HAS3: variants seen among roughly 807,000 people sequenced by gnomAD.
HAS3 encodes hyaluronan synthase 3, also known as HA synthase 3.
HAS3 carries 27 observed loss-of-function variants against 50.3 expected under a neutral mutation model. That is an observed-to-expected ratio of 0.54 (90% CI 0.40 to 0.74). HAS3 has a LOEUF of 0.74. Ranked by LOEUF, HAS3 falls within the 30% of genes least tolerant of loss-of-function variation. The pLI is 0.00. For synonymous variants in HAS3, 339 were observed against 310.9 expected (o/e 1.09, Z -0.95); for missense variants, 517 against 742.8 (o/e 0.70, Z 3.53).
the HAS3 span, among the ~76,000 whole-genome samples, chr16:69,085,859 A>G: frequency 6.6e-6 from 1 of 151,996 alleles, no homozygotes; most frequent in Admixed American, 6.6e-5. Context: ...GATTACAGGC[A>G]TGAGCCACCG....
At chr16:69,083,879 A>C in the HAS3 span, 1 of 481,420 alleles carries the variant, frequency 2.1e-6, no homozygotes, top group Non-Finnish European at 3.7e-6. Context: ...AGTTAAGAGA[A>C]GACAGTTACA....
chr16:69,114,416 G>T lies in HAS3; in HGVS notation c.812G>T (p.Arg271Leu). Reference protein sequence around the residue: ...VRYWMAFNVERACQSYFGCVQ... With the variant: ...VRYWMAFNVELACQSYFGCVQ... Reference sequence around the variant, plus strand: ...TACTGGATGGCCTTCAACGTGGAGCGGGCCTGCCAGTCCTACTTTGGCTGT... The same window carrying T: ...TACTGGATGGCCTTCAACGTGGAGCTGGCCTGCCAGTCCTACTTTGGCTGT... Residue 271 changes from arginine to leucine, a missense_variant, in exon 4 of 4, where the codon CGG (arginine) becomes CTG (leucine). Coordinates refer to ENST00000569188, the MANE Select transcript of HAS3 (RefSeq NM_001199280.2). This position sits in a 1 kb window ranked among gnomAD's most constrained non-coding sequence, Gnocchi z 6.4. The T allele has an allele frequency of 6.2e-7, 1 of 1,612,712 alleles. No individual in the cohort carries two copies. The highest frequency in any genetic ancestry group is 8.5e-7 in the Non-Finnish European group (1 of 1,180,004).
At chr16:69,089,025 C>G in the HAS3 span, among the ~76,000 whole-genome samples, 1 of 152,180 alleles carries the variant, frequency 6.6e-6, no homozygotes, top group South Asian at 2.1e-4. Context: ...TGCCACCCCC[C>G]AACTTGGCCT....
chr16:69,093,860 T>G, the HAS3 span, among the ~76,000 whole-genome samples: 1,369 of 152,254 alleles, frequency 9.0e-3, 10 homozygotes, highest in Non-Finnish European at 0.014. Flanking sequence ...AGTTATTCCT[T>G]GCAAGAAGCT....
At chr16:69,118,565 A>C, downstream of HAS3, 1 of 777,622 alleles carries the variant, frequency 1.3e-6, no homozygotes. Flanking sequence ...GAAACTAGTA[A>C]GAAACAATGG....
chr16:69,118,687 T>A (rs1961363493), downstream of HAS3: 8 of 662,450 alleles, frequency 1.2e-5, no homozygotes, highest in Non-Finnish European at 1.9e-5. Flanking sequence ...AAATAACATC[T>A]CACCTTCAGT....
In HAS3 at chr16:69,113,558, G is replaced by C. The variant is rs570254508; in HGVS notation, c.738+16G>C. Reference sequence around the variant, plus strand: ...AGATGTCCAGGTAAGATGAGACCAGGGATATCTGTGGGGAGGGGTCTGGAC... The same window carrying C: ...AGATGTCCAGGTAAGATGAGACCAGCGATATCTGTGGGGAGGGGTCTGGAC... On this transcript the variant is annotated intron_variant, in intron 3 of 3. Coordinates refer to ENST00000569188, the MANE Select transcript of HAS3 (RefSeq NM_001199280.2). 2.1e-6 allele frequency: 3 copies of C among 1,436,840 alleles called. No individual in the cohort carries two copies. In the African/African-American group the frequency reaches 4.2e-5, roughly 20 times the overall value. The allele number at this position is 1,436,840 out of a possible 1,614,324, so 89.0% of individuals were successfully genotyped here.
At chr16:69,113,411 G>C in intron 2 of HAS3, 30 bp from the exon 3 acceptor site, 1 of 1,497,316 alleles carries the variant, frequency 6.7e-7, no homozygotes, top group South Asian at 1.1e-5. Flanking sequence ...TCTGAGGTCA[G>C]AATGGGCTGA....
In HAS3 at chr16:69,115,679, C is replaced by T; in HGVS notation, c.*413C>T. On this transcript the variant is annotated 3_prime_UTR_variant, in exon 4 of 4. Coordinates refer to ENST00000569188, the MANE Select transcript of HAS3 (RefSeq NM_001199280.2). ...CCCATCTGAACACAACCAGAGGTGGCAGGAGAATTTCTACTGAGCGAGCTG... is the reference window on the plus strand; with the variant it reads ...CCCATCTGAACACAACCAGAGGTGGTAGGAGAATTTCTACTGAGCGAGCTG... 1.0e-6 allele frequency: 1 copy of T among 993,830 alleles called. No individual in the cohort carries two copies. Among genetic ancestry groups the T allele is most frequent in the Non-Finnish European group, 1.2e-6 (1 of 835,890 alleles). The allele number at this position is 993,830 out of a possible 1,614,324, so 61.6% of individuals were successfully genotyped here.
chr16:69,116,904 A>G lies in HAS3; in HGVS notation c.*1638A>G. On this transcript the variant is annotated 3_prime_UTR_variant, in exon 4 of 4. Transcript: ENST00000569188. ...AAGGTGGACAGCAGACAAGAGGGCA[A>G]GCCTCTAGTGTACCAAGTGCTTCCT... 1.0e-6 allele frequency: 1 copy of G among 985,316 alleles called. No homozygotes were observed. Among genetic ancestry groups the G allele is most frequent in the Non-Finnish European group, 1.2e-6 (1 of 829,828 alleles). The allele number at this position is 985,316 out of a possible 1,614,324, so 61.0% of individuals were successfully genotyped here.
Position 69,109,619 on chromosome 16 carries a change from A to C in HAS3, c.224A>C (p.Gln75Pro). The C allele has an allele frequency of 6.2e-7, 1 of 1,611,770 alleles. No homozygotes were observed. The highest frequency in any genetic ancestry group is 8.5e-7 in the Non-Finnish European group (1 of 1,179,700). ...CACCGGCGCATGCGACGTGCCGGCC[A>C]GGCCCTGAAGCTGCCCTCCCCGCGG... ...LEHRRMRRAG[Q>P]ALKLPSPRRG... Residue 75 changes from glutamine (Q) to proline (P), a missense_variant, in exon 2 of 4, where the codon CAG (glutamine) becomes CCG (proline). Physicochemically the swap from Gln to Pro is moderately conservative, Grantham distance 76 (BLOSUM62 -1). Transcript: ENST00000569188. This position sits in a 1 kb window ranked among gnomAD's most constrained non-coding sequence, Gnocchi z 5.3.
chr16:69,101,159 G>A (rs151307207), upstream of HAS3, among the ~76,000 whole-genome samples: 191 of 152,190 alleles, frequency 1.3e-3, 1 homozygote, highest in African/African-American at 4.3e-3. Context: ...ATAACCTACT[G>A]GATACAATTC....
At chr16:69,118,510 G>A (rs1300225216), downstream of HAS3, 7 of 1,061,498 alleles carry the variant, frequency 6.6e-6, no homozygotes, top group Non-Finnish European at 1.0e-5. Flanking sequence ...ACTGGGACCT[G>A]CAGGCCAATG....
chr16:69,086,545 T>C, the HAS3 span, among the ~76,000 whole-genome samples: 3 of 151,858 alleles, frequency 2.0e-5, no homozygotes, highest in African/African-American at 7.3e-5. Context: ...TGTGTGTGTG[T>C]GTGTGTGTGT....
At position 69,115,308 on chromosome 16, in the gene HAS3, G is replaced by A; in HGVS notation, c.*42G>A. The A allele has an allele frequency of 6.7e-7, 1 of 1,498,674 alleles. No homozygotes were observed. The highest frequency in any genetic ancestry group is 8.9e-7 in the Non-Finnish European group (1 of 1,127,876). The allele number at this position is 1,498,674 out of a possible 1,614,324, so 92.8% of individuals were successfully genotyped here. The stretch of plus-strand genomic sequence containing the variant: ...AGCGGGTAAAGTGCAATGGGTAAGG[G>A]AGGGAAGGGGAATGGAAGAGAAAAG... On this transcript the variant is annotated 3_prime_UTR_variant, in exon 4 of 4. Coordinates refer to ENST00000569188, the MANE Select transcript of HAS3 (RefSeq NM_001199280.2).
chr16:69,108,335 T>C (rs1028410794), intron 1 of HAS3, among the ~76,000 whole-genome samples: 3 of 152,108 alleles, frequency 2.0e-5, no homozygotes, highest in African/African-American at 7.2e-5. Context: ...AGAACTCCCA[T>C]TGTGCTATGG....
At chr16:69,091,812 C>G in the HAS3 span, among the ~76,000 whole-genome samples, 1 of 152,200 alleles carries the variant, frequency 6.6e-6, no homozygotes, top group African/African-American at 2.4e-5. Flanking sequence ...AAAGAGGTTT[C>G]TCATCTCTGA....
chr16:69,100,690 TC>T (rs1960688179), upstream of HAS3, among the ~76,000 whole-genome samples: 1 of 152,184 alleles, frequency 6.6e-6, no homozygotes, highest in Non-Finnish European at 1.5e-5. Flanking sequence ...CTCTGCAGCT[TC>T]CGGCACTGGT....
At chr16:69,083,646 C>CATGG in the HAS3 span, 4 of 1,561,132 alleles carry the variant, frequency 2.6e-6, no homozygotes, top group South Asian at 4.7e-5. Context: ...AGAAGAAGAT[C>CATGG]ATGGTCCTGC....
Sources: gnomAD v4.1 joint callset for allele counts (sites outside exome capture counted in the v4.1 genomes callset) on GRCh38, gnomAD v4.1.1 for gene constraint, Gnocchi (gnomAD v3.1) non-coding constraint, MANE v1.5 for transcripts, NCBI Gene and HGNC (gene_info 2026-07-23, HGNC 2026-07-21) for gene names.